The following CD163L1 variants were observed in gnomAD, a reference collection of about 807,000 sequenced individuals.
CD163L1 encodes the protein CD163 molecule like 1.
Under a neutral mutation model 165.4 loss-of-function variants are expected in CD163L1, and 124 were observed. The ratio of observed to expected loss-of-function variants is 0.75; its 90% CI spans 0.65 to 0.87. CD163L1 has a LOEUF of 0.87. Ranked by LOEUF, CD163L1 falls within the 40% of genes least tolerant of loss-of-function variation. CD163L1 has a pLI of 0.00. For synonymous variants in CD163L1, 585 were observed against 662.2 expected (o/e 0.88, Z 1.79); for missense variants, 1,525 against 1,799.9 (o/e 0.85, Z 2.76).
At chr12:7,438,897 C>T in intron 2 of CD163L1, 3 of 1,598,714 alleles carry the variant, frequency 1.9e-6, no homozygotes, top group South Asian at 2.2e-5. Context: ...TTGCCTCTGT[C>T]TTGATTCCTC....
At chr12:7,417,529 TATG>T (rs1444548205) in intron 4 of CD163L1, among the ~76,000 whole-genome samples, 6 of 152,216 alleles carry the variant, frequency 3.9e-5, no homozygotes, top group Non-Finnish European at 8.8e-5. Context: ...GCCCATTCAG[TATG>T]ATATTGGCTA....
At position 7,347,377 on chromosome 12, in the gene CD163L1, A is replaced by G. The variant is rs143410495; in HGVS notation, c.*25-230T>C. 3.9e-5 allele frequency among the ~76,000 whole-genome samples: 6 copies of G among 152,216 alleles called. No homozygotes were observed. The highest frequency in any genetic ancestry group is 1.3e-4 in the Admixed American group (2 of 15,288). Reference sequence around the variant, plus strand: ...ATTTAAAAATATTCTTTGTAACCCAATCTCTGGGATGTTAAAAGTTAGCCT... The same window carrying G: ...ATTTAAAAATATTCTTTGTAACCCAGTCTCTGGGATGTTAAAAGTTAGCCT... On this transcript the variant is annotated intron_variant, in intron 4 of 4. Coordinates refer to the CD163L1 transcript ENST00000539726. The surrounding 1 kb of genome is among the most constrained non-coding windows in gnomAD (Gnocchi z 4.2).
At position 7,374,544 on chromosome 12, in the gene CD163L1, G is replaced by A; in HGVS notation, c.3307C>T (p.Leu1103=). ...EGSGPIWLDD[L]NCTGMESHLW... is the part of the protein sequence containing the mutation. ...TGGGACTCCATTCCTGTGCAGTTCAGGTCATCCAGCCAGATGGGCCCTGAC... is the reference window on the plus strand; with the variant it reads ...TGGGACTCCATTCCTGTGCAGTTCAAGTCATCCAGCCAGATGGGCCCTGAC... The change falls in exon 13 of 20, where the codon CTG becomes TTG. Residue 1103 remains leucine (L), a synonymous_variant. Transcript: ENST00000313599. The surrounding 1 kb of genome is among the most constrained non-coding windows in gnomAD (Gnocchi z 5.4). 6.2e-7 allele frequency: 1 copy of A among 1,614,218 alleles called. No homozygotes were observed. Among genetic ancestry groups the A allele is most frequent in the Non-Finnish European group, 8.5e-7 (1 of 1,180,036 alleles).
the CD163L1 span, chr12:7,323,243 T>G: frequency 6.2e-7 from 1 of 1,608,578 alleles, no homozygotes; most frequent in East Asian, 2.2e-5. Context: ...GGGAATGATT[T>G]GTGCCAATCA....
intron 2 of CD163L1, chr12:7,440,076 A>C: frequency 1.7e-5 from 17 of 1,018,844 alleles, no homozygotes; most frequent in Non-Finnish European, 2.1e-5. Context: ...CCTACTCCAC[A>C]TCAGCGGCGT....
At position 7,369,637 on chromosome 12, in the gene CD163L1, G is replaced by T. The variant is rs531499565; in HGVS notation, c.3759C>A (p.Thr1253=). ...EDRIRVRGGD[T]ECSGRVEIWH... ...AGATCTCCACTCTCCCAGAGCACTC[G>T]GTGTCTCCTCCACGCACTCTTATTC... Residue 1253 remains threonine (T), a synonymous_variant, in exon 15 of 20, where the codon ACC becomes ACA. Transcript: ENST00000313599. The surrounding 1 kb of genome is among the most constrained non-coding windows in gnomAD (Gnocchi z 4.9). 1.2e-6 allele frequency: 2 copies of T among 1,613,972 alleles called. No individual in the cohort carries two copies. Among genetic ancestry groups the T allele is most frequent in the Non-Finnish European group, 1.7e-6 (2 of 1,179,944 alleles).
intron 4 of CD163L1, among the ~76,000 whole-genome samples, chr12:7,407,429 G>C (rs1363528372): frequency 6.6e-6 from 1 of 151,890 alleles, no homozygotes; most frequent in Non-Finnish European, 1.5e-5. Context: ...ACTTCTAAAG[G>C]TGAAAGCAAG....
intron 19 of CD163L1, 70 bp from the exon 20 acceptor site, chr12:7,355,200 A>G (rs1946748499): frequency 6.6e-6 from 1 of 152,146 alleles, no homozygotes; most frequent in African/African-American, 2.4e-5. Context: ...ACATGAGGTT[A>G]AAGTTAAGAC....
Position 7,367,302 on chromosome 12 carries a change from C to G in CD163L1, c.4213G>C (p.Glu1405Gln). The change falls in exon 18 of 20, where the codon GAG (glutamate) becomes CAG (glutamine). Residue 1405 changes from glutamate (E) to glutamine (Q), a missense_variant. Glu to Gln is a conservative substitution (Grantham distance 29). Coordinates refer to ENST00000313599, the MANE Select transcript of CD163L1 (RefSeq NM_174941.6). ...VSTRRRGSLE[E>Q]NLFHEMETCL... is the part of the protein sequence containing the mutation. ...GTCTCCATCTCATGGAATAAATTCTCCTCGAGAGAACCCCTCCTTCTGGTT... is the reference window on the plus strand; with the variant it reads ...GTCTCCATCTCATGGAATAAATTCTGCTCGAGAGAACCCCTCCTTCTGGTT... 6.2e-7 allele frequency: 1 copy of G among 1,613,260 alleles called. No individual in the cohort carries two copies. The highest frequency in any genetic ancestry group is 8.5e-7 in the Non-Finnish European group (1 of 1,179,378).
the CD163L1 span, chr12:7,326,893 A>C: frequency 1.4e-6 from 2 of 1,402,796 alleles, no homozygotes; most frequent in Non-Finnish European, 1.9e-6. Context: ...ATAAATAGTA[A>C]GCACCTGTGT....
intron 2 of CD163L1, among the ~76,000 whole-genome samples, chr12:7,438,061 A>G (rs1403162719): frequency 1.3e-5 from 2 of 152,098 alleles, no homozygotes; most frequent in Admixed American, 6.5e-5. Context: ...TTTTTACATG[A>G]CTGTGTTCAC....
Position 7,396,197 on chromosome 12 carries a change from C to T in CD163L1, c.1948G>A (p.Val650Ile), listed in dbSNP as rs781598421. 1 of 1,614,172 alleles carries T rather than the reference C, an allele frequency of 6.2e-7. No homozygotes were observed. The highest frequency in any genetic ancestry group is 2.2e-5 in the East Asian group (1 of 44,878). Residue 650 changes from valine to isoleucine, a missense_variant, in exon 8 of 20, where the codon GTT becomes ATT. Val to Ile is a conservative substitution (Grantham distance 29, BLOSUM62 3). Coordinates refer to ENST00000313599, the MANE Select transcript of CD163L1 (RefSeq NM_174941.6). ...TGYGKIWLDDVSCDGDESDLW... is the reference protein window; with the variant it reads ...TGYGKIWLDDISCDGDESDLW... ...TCTGACTCATCTCCATCACAGGAAACATCATCGAGCCAAATTTTTCCATAT... is the reference window on the plus strand; with the variant it reads ...TCTGACTCATCTCCATCACAGGAAATATCATCGAGCCAAATTTTTCCATAT...
At chr12:7,434,438 T>C (rs1482151978) in intron 2 of CD163L1, among the ~76,000 whole-genome samples, 1 of 152,114 alleles carries the variant, frequency 6.6e-6, no homozygotes, top group Non-Finnish European at 1.5e-5. Flanking sequence ...ACAAGTGAAG[T>C]TAATATTAAC....
Position 7,398,744 on chromosome 12 carries a change from T to A in CD163L1, c.1409-160A>T, listed in dbSNP as rs1410531910. Among the ~76,000 whole-genome samples the A allele has an allele frequency of 2.6e-5, 4 of 152,210 alleles. No individual in the cohort carries two copies. Among genetic ancestry groups the A allele is most frequent in the African/African-American group, 9.6e-5 (4 of 41,460 alleles). The stretch of plus-strand genomic sequence containing the variant: ...GTTTGGTTTTCTTTCTTTTGACAAT[T>A]TTTTATTCAATTTTTGGAGAGAAGG... On this transcript the variant is annotated intron_variant, in intron 6 of 19. Coordinates refer to ENST00000313599, the MANE Select transcript of CD163L1 (RefSeq NM_174941.6). The surrounding 1 kb of genome is among the most constrained non-coding windows in gnomAD (Gnocchi z 4.5).
the CD163L1 span, among the ~76,000 whole-genome samples, chr12:7,332,366 A>G: frequency 0.2 from 30,127 of 151,660 alleles, 3,130 homozygotes; most frequent in African/African-American, 0.29. Context: ...TCTGCAGGAT[A>G]TTATCCAGGA....
the CD163L1 span, among the ~76,000 whole-genome samples, chr12:7,334,210 T>A: frequency 1.0e-3 from 156 of 152,196 alleles, no homozygotes; most frequent in African/African-American, 3.5e-3. Flanking sequence ...TAGACCAATA[T>A]CCTTGATGAA....
rs1947090321 is a variant in CD163L1 at position 7,369,118 on chromosome 12, T to C, written c.4040-153A>G. 2 of 1,061,076 alleles carry C rather than the reference T, an allele frequency of 1.9e-6. No homozygotes were observed. The highest frequency in any genetic ancestry group is 3.0e-5 in the South Asian group (2 of 67,650). 65.7% of individuals were successfully genotyped at this position (1,061,076 alleles called of 1,614,324 possible). The stretch of plus-strand genomic sequence containing the variant: ...TCATTTAAAATATCAGTCAGAATCC[T>C]CTTGCTTCAAAGTCTAAGGCCAAAT... On this transcript the variant is annotated intron_variant, in intron 15 of 19. Transcript: ENST00000313599. The surrounding 1 kb of genome is among the most constrained non-coding windows in gnomAD (Gnocchi z 4.9).
chr12:7,386,459 ACT>A (rs745687569), intron 8 of CD163L1, among the ~76,000 whole-genome samples: 26 of 152,030 alleles, frequency 1.7e-4, no homozygotes, highest in African/African-American at 5.3e-4. Context: ...ATTCTTCCTA[ACT>A]CATCCTAGGA....
intron 4 of CD163L1, among the ~76,000 whole-genome samples, chr12:7,430,995 T>C (rs989168095): frequency 3.3e-5 from 5 of 151,764 alleles, no homozygotes; most frequent in African/African-American, 1.2e-4. Context: ...CTGTGGAAAA[T>C]GGATTTGAAG....
Sources: gnomAD v4.1 joint callset for allele counts (sites outside exome capture counted in the v4.1 genomes callset) on GRCh38, gnomAD v4.1.1 for gene constraint, Gnocchi (gnomAD v3.1) non-coding constraint, MANE v1.5 for transcripts, NCBI Gene and HGNC (gene_info 2026-07-23, HGNC 2026-07-21) for gene names.